The following SOBP variants were observed in gnomAD, a reference collection of about 807,000 sequenced individuals.
The protein encoded by SOBP is sine oculis-binding protein homolog.
Under a neutral mutation model 53.6 loss-of-function variants are expected in SOBP, and 4 were observed. That is an observed-to-expected ratio of 0.07 (90% confidence interval 0.04 to 0.17). The LOEUF is 0.17. Ranked by LOEUF, SOBP falls within the 10% of genes least tolerant of loss-of-function variation. SOBP has a pLI of 1.00. For missense variants in SOBP, 1,088 were observed against 1,204.7 expected (o/e 0.90, Z 1.43); for synonymous variants, 584 against 522.6 (o/e 1.12, Z -1.60).
intron 4 of SOBP, among the ~76,000 whole-genome samples, chr6:107,585,061 G>A (rs534758027): frequency 6.6e-6 from 1 of 152,230 alleles, no homozygotes; most frequent in African/African-American, 2.4e-5. Flanking sequence ...ATATATCATA[G>A]TGCATCAGGA....
At chr6:107,655,108 A>G (rs1475060681) in intron 6 of SOBP, among the ~76,000 whole-genome samples, 1 of 151,734 alleles carries the variant, frequency 6.6e-6, no homozygotes, top group Non-Finnish European at 1.5e-5. Flanking sequence ...ACAGATGAAG[A>G]CATTTAGACA....
chr6:107,594,754 A>T (rs1421663853), intron 5 of SOBP, among the ~76,000 whole-genome samples: 1 of 152,202 alleles, frequency 6.6e-6, no homozygotes, highest in African/African-American at 2.4e-5. Flanking sequence ...GACCCCTTTT[A>T]AGGCCCTTTA....
chr6:107,559,768 T>A (rs936516529), intron 4 of SOBP, among the ~76,000 whole-genome samples: 1 of 152,248 alleles, frequency 6.6e-6, no homozygotes, highest in African/African-American at 2.4e-5. Context: ...TGGATTTGTA[T>A]GAAATTTGGG....
intron 4 of SOBP, among the ~76,000 whole-genome samples, chr6:107,543,216 G>A (rs1333916253): frequency 6.6e-6 from 1 of 152,164 alleles, no homozygotes; most frequent in Non-Finnish European, 1.5e-5. Flanking sequence ...CAGCACAGTG[G>A]TCTTATCACA....
At chr6:107,591,982 T>TG (rs201900125) in intron 5 of SOBP, among the ~76,000 whole-genome samples, 1,802 of 148,662 alleles carry the variant, frequency 0.012, 33 homozygotes, top group African/African-American at 0.043. Flanking sequence ...TTTTTTTTTT[T>TG]TTTTTTTTTT....
intron 3 of SOBP, among the ~76,000 whole-genome samples, chr6:107,528,341 C>T (rs1428085617): frequency 1.3e-5 from 2 of 152,154 alleles, no homozygotes; most frequent in African/African-American, 2.4e-5. Flanking sequence ...AGGGGGGTCT[C>T]CCATTTCAAC....
chr6:107,602,151 C>G (rs1258874103), intron 5 of SOBP, among the ~76,000 whole-genome samples: 1 of 152,168 alleles, frequency 6.6e-6, no homozygotes, highest in Non-Finnish European at 1.5e-5. Flanking sequence ...TTTTGAGTCA[C>G]ATCTAGTCCA....
intron 4 of SOBP, among the ~76,000 whole-genome samples, chr6:107,534,535 G>A (rs1225412964): frequency 6.6e-6 from 1 of 152,128 alleles, no homozygotes; most frequent in Non-Finnish European, 1.5e-5. Flanking sequence ...TCTTCTTGAA[G>A]CAAACAATTA....
chr6:107,503,780 A>T lies in SOBP; in HGVS notation c.220A>T (p.Ile74Phe), dbSNP rs2114945225. 6.2e-7 allele frequency: 1 copy of T among 1,614,106 alleles called. No homozygotes were observed. The highest frequency in any genetic ancestry group is 1.7e-5 in the Admixed American group (1 of 60,026). The change falls in exon 2 of 7, where the codon ATT (isoleucine) becomes TTT (phenylalanine). Residue 74 changes from isoleucine to phenylalanine, a missense_variant. This residue lies in a region of SOBP where 112 missense variants were observed against 117.9 expected (regional missense o/e 0.95). Coordinates refer to ENST00000317357, the MANE Select transcript of SOBP (RefSeq NM_018013.4). ...YPTDGESRQH[I>F]SVLKENSLPK... ...TACAGATGGGGAGAGCCGGCAGCAC[A>T]TTTCTGTTCTCAAAGGTAATGACAT...
In SOBP at chr6:107,562,038, T is replaced by TC. The variant is rs1326502471; in HGVS notation, c.574-25042_574-25041insC. Among the ~76,000 whole-genome samples, 11 of 151,628 alleles carry TC rather than the reference T, an allele frequency of 7.3e-5. No homozygotes were observed. The East Asian group carries it at 1.9e-3, about 27-fold the overall frequency. On this transcript the variant is annotated intron_variant, in intron 4 of 6. Transcript: ENST00000317357. ...TTAGTGGCTCCCTGGTTCTTTTTTTTTTTTTTTTTTGAGACAGGGTCTCAC... is the reference window on the plus strand; with the variant it reads ...TTAGTGGCTCCCTGGTTCTTTTTTTTCTTTTTTTTTTGAGACAGGGTCTCAC...
Position 107,659,260 on chromosome 6 carries a change from C to T in SOBP, c.*1057C>T, listed in dbSNP as rs567199420. ...CAAGAGGGAAAGTGAGAAAGATCAC[C>T]CATGATTCTGTTTCACTGTTTGCTT... On this transcript the variant is annotated 3_prime_UTR_variant, in exon 7 of 7. Coordinates refer to ENST00000317357, the MANE Select transcript of SOBP (RefSeq NM_018013.4). 1.3e-5 allele frequency: 2 copies of T among 152,638 alleles called. No individual in the cohort carries two copies. The highest frequency in any genetic ancestry group is 1.9e-4 in the East Asian group (1 of 5,162). The allele number at this position is 152,638 out of a possible 1,614,324, so 9.5% of individuals were successfully genotyped here.
chr6:107,573,252 GGGAT>G (rs1464915658), intron 4 of SOBP, among the ~76,000 whole-genome samples: 1 of 152,044 alleles, frequency 6.6e-6, no homozygotes, highest in Non-Finnish European at 1.5e-5. Context: ...CATTTGCAGT[GGGAT>G]GCTGGGCATA....
intron 5 of SOBP, among the ~76,000 whole-genome samples, chr6:107,596,580 T>G (rs1785954872): frequency 6.6e-6 from 1 of 152,232 alleles, no homozygotes; most frequent in Non-Finnish European, 1.5e-5. Flanking sequence ...AGTGAAATGT[T>G]AAATCAATTA....
chr6:107,564,362 C>G (rs1403242212), intron 4 of SOBP, among the ~76,000 whole-genome samples: 1 of 152,190 alleles, frequency 6.6e-6, no homozygotes, highest in East Asian at 1.9e-4. Flanking sequence ...TTATGGAAAT[C>G]TCTCCCCCAG....
At chr6:107,549,142 C>T (rs1321929775) in intron 4 of SOBP, among the ~76,000 whole-genome samples, 1 of 151,988 alleles carries the variant, frequency 6.6e-6, no homozygotes, top group Non-Finnish European at 1.5e-5. Flanking sequence ...TGGCAGGTGC[C>T]TGTAGTCCCA....
At chr6:107,553,301 TA>T (rs1784517186) in intron 4 of SOBP, among the ~76,000 whole-genome samples, 2 of 80,808 alleles carry the variant, frequency 2.5e-5, no homozygotes, top group African/African-American at 1.9e-4. Context: ...ATTATTATTT[TA>T]TTTATTTATT....
intron 1 of SOBP, among the ~76,000 whole-genome samples, chr6:107,492,801 TAAG>T (rs1311301393): frequency 6.6e-6 from 1 of 152,210 alleles, no homozygotes; most frequent in Non-Finnish European, 1.5e-5. Flanking sequence ...TAGCATTAAA[TAAG>T]AAGTTTTACA....
intron 5 of SOBP, among the ~76,000 whole-genome samples, chr6:107,619,141 A>C: frequency 6.6e-6 from 1 of 152,052 alleles, no homozygotes; most frequent in East Asian, 1.9e-4. Flanking sequence ...TGCATCCTGA[A>C]CCCTTATCAT....
chr6:107,592,607 A>G (rs970468399), intron 5 of SOBP, among the ~76,000 whole-genome samples: 11 of 152,228 alleles, frequency 7.2e-5, no homozygotes, highest in African/African-American at 2.7e-4. Flanking sequence ...AATTAAAATC[A>G]TGATGACACA....
Sources: allele counts gnomAD v4.1 joint callset (sites outside exome capture counted in the v4.1 genomes callset), GRCh38; gene constraint gnomAD v4.1.1; regional missense constraint gnomAD v4.1.1; transcripts MANE v1.5; gene names NCBI Gene and HGNC (gene_info 2026-07-23, HGNC 2026-07-21).